The following CAMKMT variants were observed in gnomAD, a reference collection of about 807,000 sequenced individuals.
The protein encoded by CAMKMT is CaM KMT.
A neutral mutation model predicts 48.0 loss-of-function variants in CAMKMT; 53 were observed. That is an observed-to-expected ratio of 1.10 (90% CI 0.89 to 1.39). The LOEUF (loss-of-function observed/expected upper bound fraction) is 1.39. Ranked by LOEUF, CAMKMT falls within the 40% of genes most tolerant of loss-of-function variation. The pLI is 0.00. For missense variants in CAMKMT, 428 were observed against 402.7 expected, an observed-to-expected ratio of 1.06 and a Z score of -0.54; for synonymous variants, 165 against 152.3, an observed-to-expected ratio of 1.08 and a Z score of -0.61.
intron 3 of CAMKMT, among the ~76,000 whole-genome samples, chr2:44,436,950 A>C (rs1030381353): frequency 3.3e-5 from 5 of 152,218 alleles, no homozygotes; most frequent in African/African-American, 1.2e-4. Context: ...ACTTCATTTC[A>C]TAACAGATAA....
At chr2:44,535,376 A>G (rs1297099106) in intron 3 of CAMKMT, among the ~76,000 whole-genome samples, 1 of 152,184 alleles carries the variant, frequency 6.6e-6, no homozygotes, top group Non-Finnish European at 1.5e-5. Flanking sequence ...ATACTCCCCG[A>G]CTTGTTCTAT....
intron 3 of CAMKMT, among the ~76,000 whole-genome samples, chr2:44,516,214 T>C (rs982917904): frequency 3.3e-5 from 5 of 152,240 alleles, no homozygotes; most frequent in South Asian, 4.1e-4. Context: ...GTTAGACTCA[T>C]GCAGTAAATA....
At chr2:44,741,373 G>T (rs1023225622) in intron 7 of CAMKMT, among the ~76,000 whole-genome samples, 3 of 152,194 alleles carry the variant, frequency 2.0e-5, no homozygotes, top group African/African-American at 7.2e-5. Flanking sequence ...TGACTGCACA[G>T]CTCCAGGAAG....
intron 3 of CAMKMT, among the ~76,000 whole-genome samples, chr2:44,506,547 T>C (rs1243136789): frequency 6.6e-6 from 1 of 152,184 alleles, no homozygotes; most frequent in African/African-American, 2.4e-5. Flanking sequence ...TATTTTGGGA[T>C]AGATATTATG....
At chr2:44,430,858 AG>A (rs1221571624) in intron 3 of CAMKMT, among the ~76,000 whole-genome samples, 1 of 152,198 alleles carries the variant, frequency 6.6e-6, no homozygotes, top group African/African-American at 2.4e-5. Context: ...AAATTACATG[AG>A]ATTAGGAAAA....
intron 3 of CAMKMT, among the ~76,000 whole-genome samples, chr2:44,502,433 C>A (rs565239293): frequency 2.3e-4 from 35 of 152,106 alleles, no homozygotes; most frequent in Non-Finnish European, 5.0e-4. Flanking sequence ...GCCCTTGTAC[C>A]CTTTTAACTT....
intron 3 of CAMKMT, among the ~76,000 whole-genome samples, chr2:44,495,047 A>C (rs1271180133): frequency 6.6e-6 from 1 of 152,238 alleles, no homozygotes; most frequent in Non-Finnish European, 1.5e-5. Flanking sequence ...AATTATGTCC[A>C]CATCCATGTA....
intron 3 of CAMKMT, among the ~76,000 whole-genome samples, chr2:44,593,023 A>T: frequency 6.6e-6 from 1 of 152,346 alleles, no homozygotes; most frequent in Non-Finnish European, 1.5e-5. Flanking sequence ...GACTATAATG[A>T]TAAGTATTTA....
chr2:44,411,301 G>A (rs1358325816), intron 3 of CAMKMT, among the ~76,000 whole-genome samples: 1 of 152,124 alleles, frequency 6.6e-6, no homozygotes, highest in East Asian at 1.9e-4. Context: ...TGCGTGGCAA[G>A]TACTAGGCTA....
chr2:44,732,877 G>A (rs376229918), intron 7 of CAMKMT, among the ~76,000 whole-genome samples: 8 of 152,158 alleles, frequency 5.3e-5, no homozygotes, highest in African/African-American at 1.2e-4. Context: ...CCTGTAGCTC[G>A]TCTTCATTCT....
At chr2:44,559,420 A>G (rs148695025) in intron 3 of CAMKMT, among the ~76,000 whole-genome samples, 2 of 152,346 alleles carry the variant, frequency 1.3e-5, no homozygotes, top group East Asian at 1.9e-4. Flanking sequence ...GTGATAATGT[A>G]CATTCTTTGC....
intron 3 of CAMKMT, among the ~76,000 whole-genome samples, chr2:44,591,460 G>A (rs1485959509): frequency 2.0e-5 from 3 of 151,954 alleles, no homozygotes; most frequent in African/African-American, 7.3e-5. Flanking sequence ...TCCTTGAAGA[G>A]GTCCTTCACG....
intron 2 of CAMKMT, among the ~76,000 whole-genome samples, chr2:44,386,833 C>T (rs970095061): frequency 6.6e-6 from 1 of 152,008 alleles, no homozygotes; most frequent in African/African-American, 2.4e-5. Context: ...TTTGAAGGTT[C>T]CTTTTGGAGT....
chr2:44,628,549 GT>G (rs748325949), intron 3 of CAMKMT, among the ~76,000 whole-genome samples: 171 of 142,104 alleles, frequency 1.2e-3, no homozygotes, highest in Middle Eastern at 3.6e-3. Flanking sequence ...TTTTTTCTAA[GT>G]TTTTTTTTTT....
intron 3 of CAMKMT, among the ~76,000 whole-genome samples, chr2:44,555,357 A>G (rs183929407): frequency 2.0e-5 from 3 of 152,316 alleles, no homozygotes; most frequent in African/African-American, 7.2e-5. Flanking sequence ...GGGACAAGGG[A>G]CAGGTGGGAG....
chr2:44,573,733 G>T lies in CAMKMT; in HGVS notation c.377-130550G>T, dbSNP rs114243696. ...GTTCTATAATCTCATCTGGAATTTAGTTTTGTGTATGATGTGAGGTAAAAT... is the reference window on the plus strand; with the variant it reads ...GTTCTATAATCTCATCTGGAATTTATTTTTGTGTATGATGTGAGGTAAAAT... On this transcript the variant is annotated intron_variant, in intron 3 of 10. Coordinates refer to ENST00000378494, the MANE Select transcript of CAMKMT (RefSeq NM_024766.5). Among the ~76,000 whole-genome samples the T allele has an allele frequency of 6.0e-3, 907 of 152,112 alleles. 7 individuals carry two copies. The highest frequency in any genetic ancestry group is 0.02 in the African/African-American group (829 of 41,518).
In CAMKMT at chr2:44,478,404, A is replaced by T. The variant is rs929045061; in HGVS notation, c.376+88099A>T. On this transcript the variant is annotated intron_variant, in intron 3 of 10. Coordinates refer to ENST00000378494, the MANE Select transcript of CAMKMT (RefSeq NM_024766.5). ...CATGTCTACAGCAATATGGTGGATA[A>T]TATTTTTTATTTTCATAGTATGAGT... 1.3e-5 allele frequency among the ~76,000 whole-genome samples: 2 copies of T among 152,134 alleles called. 1 individual carries two copies. The highest frequency in any genetic ancestry group is 3.9e-4 in the East Asian group (2 of 5,190).
chr2:44,491,548 A>G (rs1669506597), intron 3 of CAMKMT, among the ~76,000 whole-genome samples: 4 of 152,244 alleles, frequency 2.6e-5, no homozygotes, highest in Non-Finnish European at 5.9e-5. Flanking sequence ...AATTTAATAA[A>G]GTAACTCTTT....
chr2:44,685,863 TAC>T (rs1676306110), intron 3 of CAMKMT, among the ~76,000 whole-genome samples: 1 of 152,206 alleles, frequency 6.6e-6, no homozygotes, highest in Non-Finnish European at 1.5e-5. Context: ...TTCACCTGGC[TAC>T]ACAGTTCTTT....
Sources: allele counts gnomAD v4.1 joint callset (sites outside exome capture counted in the v4.1 genomes callset), GRCh38; gene constraint gnomAD v4.1.1; transcripts MANE v1.5; gene names NCBI Gene and HGNC (gene_info 2026-07-23, HGNC 2026-07-21).